Variants in RRP12 observed in about 807,000 individuals in gnomAD.
The protein encoded by RRP12 is RRP12-like protein.
In RRP12, 78 loss-of-function variants were observed where a neutral mutation model predicts 157.3. The ratio of observed to expected loss-of-function variants is 0.50; its 90% CI spans 0.41 to 0.60. The LOEUF is 0.60. Ranked by LOEUF, RRP12 falls within the 20% of genes least tolerant of loss-of-function variation. The pLI, the probability that RRP12 is intolerant of heterozygous loss-of-function variation, is 0.00. For missense variants in RRP12, 1,521 were observed against 1,679.9 expected (o/e 0.91, Z 1.65); for synonymous variants, 726 against 670.9 (o/e 1.08, Z -1.27).
At chr10:97,375,591 T>A (rs778546692) in intron 15 of RRP12, among the ~76,000 whole-genome samples, 1 of 152,104 alleles carries the variant, frequency 6.6e-6, no homozygotes, top group Non-Finnish European at 1.5e-5. Context: ...ACAAAGGGAA[T>A]ACATAACATC....
chr10:97,398,703 A>T (rs1014204508), intron 2 of RRP12, among the ~76,000 whole-genome samples: 1 of 152,250 alleles, frequency 6.6e-6, no homozygotes, highest in African/African-American at 2.4e-5. Flanking sequence ...TGATCTATTT[A>T]CTAGAAAACA....
intron 15 of RRP12, among the ~76,000 whole-genome samples, chr10:97,376,357 G>A (rs1403970638): frequency 6.6e-6 from 1 of 151,176 alleles, no homozygotes; most frequent in African/African-American, 2.4e-5. Flanking sequence ...TGGGATTACA[G>A]GTGCGTGCCA....
At chr10:97,375,592 A>G (rs1452250703) in intron 15 of RRP12, among the ~76,000 whole-genome samples, 1 of 152,180 alleles carries the variant, frequency 6.6e-6, no homozygotes, top group Non-Finnish European at 1.5e-5. Flanking sequence ...CAAAGGGAAT[A>G]CATAACATCA....
intron 33 of RRP12, 144 bp from the exon 34 acceptor site, chr10:97,357,340 T>A (rs7923385): frequency 0.35 from 195,776 of 558,752 alleles, 37,221 homozygotes; most frequent in African/African-American, 0.61. Flanking sequence ...TAGGCAGACC[T>A]CACGTGGTTC....
At chr10:97,371,406 T>C (rs1844150455) in intron 20 of RRP12, 1 of 346,028 alleles carries the variant, frequency 2.9e-6, no homozygotes, top group Non-Finnish European at 5.4e-6. Context: ...CACTCTTCTC[T>C]CTCCTTCCAA....
At position 97,367,070 on chromosome 10, in the gene RRP12, G is replaced by C; in HGVS notation, c.3018C>G (p.Asn1006Lys). 1 of 1,614,210 alleles carries C rather than the reference G, an allele frequency of 6.2e-7. No homozygotes were observed. Among genetic ancestry groups the C allele is most frequent in the South Asian group, 1.1e-5 (1 of 91,090 alleles). Residue 1006 changes from asparagine (N) to lysine (K), a missense_variant, in exon 26 of 34, where the codon AAC (asparagine) becomes AAG (lysine). Coordinates refer to ENST00000370992, the MANE Select transcript of RRP12 (RefSeq NM_015179.4). ...ACTTGCGGATGAACTTGGTGAACAG[G>C]TTCCGAAGCTTCATGCGGAAGTGCC... ...MRRHFRMKLR[N>K]LFTKFIRKFG...
At chr10:97,393,368 G>A (rs1844863456) in intron 4 of RRP12, 2 of 516,748 alleles carry the variant, frequency 3.9e-6, no homozygotes, top group Non-Finnish European at 7.4e-6. Flanking sequence ...AACAACTTTA[G>A]ATCTCACAGC....
chr10:97,381,468 A>G lies in RRP12; in HGVS notation c.1336T>C (p.Cys446Arg). The G allele has an allele frequency of 6.2e-7, 1 of 1,612,416 alleles. No homozygotes were observed. Among genetic ancestry groups the G allele is most frequent in the Non-Finnish European group, 8.5e-7 (1 of 1,179,284 alleles). The stretch of plus-strand genomic sequence containing the variant: ...ATGTCAGCCATGTGGGGAGCCACGC[A>G]TTCCTTCAGGATCTCCTGCGAAGAG... ...TQSLKEILKE[C>R]VAPHMADIGS... The change falls in exon 12 of 34, where the codon TGC becomes CGC. Residue 446 changes from cysteine (C) to arginine (R), a missense_variant. Physicochemically the swap from Cys to Arg is radical, Grantham distance 180. Transcript: ENST00000370992.
intron 1 of RRP12, 27 bp downstream of exon 1, chr10:97,401,066 G>A: frequency 6.2e-7 from 1 of 1,609,378 alleles, no homozygotes; most frequent in South Asian, 1.1e-5. Context: ...CCCGCCCCCG[G>A]CTGCGCTCGG....
At chr10:97,361,051 C>T (rs961278753) in intron 30 of RRP12, among the ~76,000 whole-genome samples, 3 of 152,208 alleles carry the variant, frequency 2.0e-5, no homozygotes, top group African/African-American at 7.2e-5. Context: ...CACTCACTTA[C>T]TGATCCCCTA....
At chr10:97,362,421 T>C (rs17112674) in intron 30 of RRP12, among the ~76,000 whole-genome samples, 64,842 of 152,056 alleles carry the variant, frequency 0.43, 15,372 homozygotes, top group African/African-American at 0.65. Flanking sequence ...CAAGTCACAA[T>C]GGCTTACTTT....
At chr10:97,385,035 A>AC (rs1197637108) in intron 10 of RRP12, 131 bp downstream of exon 10, 23 of 402,640 alleles carry the variant, frequency 5.7e-5, no homozygotes, top group Non-Finnish European at 6.8e-5. Flanking sequence ...GGCCCTAAGG[A>AC]CCCCCCCAAC....
Position 97,373,087 on chromosome 10 carries a change from G to C in RRP12, c.2140C>G (p.Leu714Val). 2 of 1,614,026 alleles carry C rather than the reference G, an allele frequency of 1.2e-6. No homozygotes were observed. Among genetic ancestry groups the C allele is most frequent in the Non-Finnish European group, 1.7e-6 (2 of 1,179,928 alleles). ...GTGAGGTAAGTTCTGATGGTTTCCAGCACAGCCCGGCGAGGGGCTGGAGTG... is the reference window on the plus strand; with the variant it reads ...GTGAGGTAAGTTCTGATGGTTTCCACCACAGCCCGGCGAGGGGCTGGAGTG... ...GDTPAPRRAV[L>V]ETIRTYLTIT... Residue 714 changes from leucine to valine, a missense_variant, in exon 18 of 34, where the codon CTG becomes GTG. Physicochemically the swap from Leu to Val is conservative, Grantham distance 32. Transcript: ENST00000370992.
intron 3 of RRP12, among the ~76,000 whole-genome samples, chr10:97,395,013 G>A (rs940670115): frequency 6.6e-6 from 1 of 151,882 alleles, no homozygotes; most frequent in South Asian, 2.1e-4. Flanking sequence ...CATGGTGGCA[G>A]GCGCCTGTAA....
At chr10:97,364,579 T>G (rs1352854796) in intron 29 of RRP12, among the ~76,000 whole-genome samples, 1 of 152,184 alleles carries the variant, frequency 6.6e-6, no homozygotes, top group African/African-American at 2.4e-5. Context: ...TAGCTGGGCA[T>G]GGTGGCGCAC....
intron 30 of RRP12, 89 bp downstream of exon 30, chr10:97,363,765 T>C: frequency 8.3e-7 from 1 of 1,206,720 alleles, no homozygotes; most frequent in Admixed American, 1.7e-5. Context: ...ACAGGGCAGT[T>C]CCAATGTCTA....
chr10:97,400,537 G>C lies in RRP12; in HGVS notation c.140-3C>G. 6 of 1,611,160 alleles carry C rather than the reference G, an allele frequency of 3.7e-6. No individual in the cohort carries two copies. The highest frequency in any genetic ancestry group is 5.1e-6 in the Non-Finnish European group (6 of 1,178,024). ...ATCGACTGTCAGGTCACTCCTTCCT[G>C]AGAGCCAGAGGCACAAGATAAGGTC... On this transcript the variant is annotated splice_polypyrimidine_tract_variant and splice_region_variant and intron_variant, in intron 1 of 33. Transcript: ENST00000370992.
chr10:97,361,688 G>A (rs1483290299), intron 30 of RRP12, among the ~76,000 whole-genome samples: 2 of 152,246 alleles, frequency 1.3e-5, no homozygotes, highest in Non-Finnish European at 2.9e-5. Context: ...CGACTGCAAT[G>A]TAGGGGATGA....
At chr10:97,360,670 C>G in intron 30 of RRP12, 52 bp from the exon 31 acceptor site, 2 of 1,367,772 alleles carry the variant, frequency 1.5e-6, no homozygotes, top group Non-Finnish European at 2.1e-6. Context: ...TGTGCCCACC[C>G]TCGGGAATGC....
Sources: allele counts gnomAD v4.1 joint callset (sites outside exome capture counted in the v4.1 genomes callset), GRCh38; gene constraint gnomAD v4.1.1; transcripts MANE v1.5; gene names NCBI Gene and HGNC (gene_info 2026-07-23, HGNC 2026-07-21).